CELSR1: variants seen among roughly 807,000 people sequenced by gnomAD.
The protein encoded by CELSR1 is cadherin EGF LAG seven-pass G-type receptor 1.
A neutral mutation model predicts 249.1 loss-of-function variants in CELSR1; 110 were observed. The observed-to-expected ratio is 0.44, with a 90% CI of 0.38 to 0.52. The LOEUF (loss-of-function observed/expected upper bound fraction) is 0.52, where lower values mean the gene tolerates loss of function less well. Ranked by LOEUF, CELSR1 falls within the 20% of genes least tolerant of loss-of-function variation. CELSR1 has a pLI of 0.00. For missense variants in CELSR1, 4,109 were observed against 4,296.4 expected, an observed-to-expected ratio of 0.96 and a Z score of 1.22; for synonymous variants, 2,113 against 1,900.0, an observed-to-expected ratio of 1.11 and a Z score of -2.92.
intron 33 of CELSR1, 63 bp downstream of exon 33, chr22:46,364,449 G>A: frequency 6.4e-7 from 1 of 1,551,772 alleles, no homozygotes; most frequent in South Asian, 1.2e-5. Flanking sequence ...CCCACCTCCA[G>A]ACCAGGGACT....
chr22:46,493,023 C>A (rs967720190), intron 1 of CELSR1, among the ~76,000 whole-genome samples: 2 of 152,094 alleles, frequency 1.3e-5, no homozygotes, highest in Non-Finnish European at 2.9e-5. Context: ...ATGGGAGGAT[C>A]GCTTGAGGCT....
At position 46,535,312 on chromosome 22, in the gene CELSR1, T is replaced by C. The variant is rs757249490; in HGVS notation, c.1859A>G (p.Lys620Arg). ...GAAGTCAGGGGTGGGGGCAGGATTC[T>C]TAGGCCCAGCGCTGCCGCCCCCCAG... Reference protein sequence around the residue: ...TFLGGGSAGPKNPAPTPDFPF... With the variant: ...TFLGGGSAGPRNPAPTPDFPF... Residue 620 changes from lysine (K) to arginine (R), a missense_variant, in exon 1 of 35, where the codon AAG becomes AGG. Coordinates refer to ENST00000674500, the MANE Select transcript of CELSR1 (RefSeq NM_001378328.1). 5 of 1,611,886 alleles carry C rather than the reference T, an allele frequency of 3.1e-6. No homozygotes were observed. Among genetic ancestry groups the C allele is most frequent in the Non-Finnish European group, 4.2e-6 (5 of 1,179,988 alleles).
chr22:46,363,690 C>A lies in CELSR1; in HGVS notation c.9035+306G>T. 2.3e-6 allele frequency: 1 copy of A among 436,402 alleles called. No homozygotes were observed. Among genetic ancestry groups the A allele is most frequent in the Non-Finnish European group, 4.1e-6 (1 of 245,070 alleles). 27.0% of individuals were successfully genotyped at this position (436,402 alleles called of 1,614,324 possible). ...CAAGGTGGGTGGCAGTGGTCCCAGG[C>A]GGAGACAATGCTGATCAAACGCAGA... is the stretch of plus-strand genomic sequence containing the variant. On this transcript the variant is annotated intron_variant, in intron 34 of 34. Transcript: ENST00000674500. This position sits in a 1 kb window ranked among gnomAD's most constrained non-coding sequence, Gnocchi z 4.3.
At chr22:46,451,870 G>A (rs1208766750) in intron 2 of CELSR1, among the ~76,000 whole-genome samples, 3 of 152,214 alleles carry the variant, frequency 2.0e-5, no homozygotes, top group African/African-American at 4.8e-5. Flanking sequence ...ATTAGCAGGT[G>A]GGCTCGATGC....
At position 46,517,928 on chromosome 22, in the gene CELSR1, G is replaced by C. The variant is rs1383838869; in HGVS notation, c.3544+15699C>G. 2.1e-5 allele frequency among the ~76,000 whole-genome samples: 3 copies of C among 145,510 alleles called. No individual in the cohort carries two copies. Among genetic ancestry groups the C allele is most frequent in the African/African-American group, 5.1e-5 (2 of 39,194 alleles). On this transcript the variant is annotated intron_variant, in intron 1 of 34. Coordinates refer to ENST00000674500, the MANE Select transcript of CELSR1 (RefSeq NM_001378328.1). The surrounding 1 kb of genome is among the most constrained non-coding windows in gnomAD (Gnocchi z 5.4). ...CCTTTTTTTTTTTTTTTGAGACAGA[G>C]TTTCACTTTTGTTGCCCAGGCCAGA...
intron 1 of CELSR1, among the ~76,000 whole-genome samples, chr22:46,491,127 C>T (rs1176195613): frequency 6.6e-6 from 1 of 152,124 alleles, no homozygotes; most frequent in Non-Finnish European, 1.5e-5. Context: ...CCCCCACCTC[C>T]ACCTACCAGA....
chr22:46,536,819 C>T lies in CELSR1; in HGVS notation c.352G>A (p.Ala118Thr), dbSNP rs1217655153. ...CGGGCACCGGTTCCGCAGAGCCGGGCACGGGCTCCGCAGCCGGGAAGGTGC... is the reference window on the plus strand; with the variant it reads ...CGGGCACCGGTTCCGCAGAGCCGGGTACGGGCTCCGCAGCCGGGAAGGTGC... ...RTHLPGCGAR[A>T]RLCGTGARLC... Residue 118 changes from alanine to threonine, a missense_variant, in exon 1 of 35, where the codon GCC becomes ACC. By Grantham distance (58) the Ala-to-Thr change is moderately conservative. Around this residue, in one of 7 missense-constraint regions of CELSR1, gnomAD observed 673 missense variants for 636.8 expected, o/e 1.06. Transcript: ENST00000674500. 1 of 1,207,154 alleles carries T rather than the reference C, an allele frequency of 8.3e-7. No individual in the cohort carries two copies. The highest frequency in any genetic ancestry group is 1.0e-6 in the Non-Finnish European group (1 of 973,130). The allele number at this position is 1,207,154 out of a possible 1,614,324, so 74.8% of individuals were successfully genotyped here.
chr22:46,397,776 T>C lies in CELSR1; in HGVS notation c.5599A>G (p.Lys1867Glu). The C allele has an allele frequency of 6.2e-7, 1 of 1,603,914 alleles. No homozygotes were observed. The highest frequency in any genetic ancestry group is 8.5e-7 in the Non-Finnish European group (1 of 1,174,530). Residue 1867 changes from lysine to glutamate, a missense_variant, in exon 12 of 35, where the codon AAG (lysine) becomes GAG (glutamate). Transcript: ENST00000674500. ...GGGTCGTCCACATCACAGCCGTCCT[T>C]CACCCTGACCTTGAGTGCGTTGTTC... ...NMNNALKVRVKDGCDVDDPCT... is the reference protein window; with the variant it reads ...NMNNALKVRVEDGCDVDDPCT...
chr22:46,402,690 C>T lies in CELSR1; in HGVS notation c.5227-2788G>A, dbSNP rs76469305. ...ACAGACTCAAAAATAACACTGGGAA[C>T]CACAAAACTTTCAAGGAAACAGACT... On this transcript the variant is annotated intron_variant, in intron 9 of 34. Transcript: ENST00000674500. This position sits in a 1 kb window ranked among gnomAD's most constrained non-coding sequence, Gnocchi z 5.0. Among the ~76,000 whole-genome samples, 1,489 of 152,232 alleles carry T rather than the reference C, an allele frequency of 9.8e-3. 27 individuals carry two copies. Among genetic ancestry groups the T allele is most frequent in the African/African-American group, 0.033 (1,390 of 41,512 alleles).
rs538308659 is a variant in CELSR1 at position 46,429,256 on chromosome 22, T to G, written c.4611+4137A>C. On this transcript the variant is annotated intron_variant, in intron 5 of 34. Transcript: ENST00000674500. This position sits in a 1 kb window ranked among gnomAD's most constrained non-coding sequence, Gnocchi z 4.1. ...TTAAGCATAATGAGGGCAAAACCGA[T>G]TCTCAAGTGGGGAGAACGTTTTCCG... 6.6e-6 allele frequency among the ~76,000 whole-genome samples: 1 copy of G among 152,282 alleles called. No homozygotes were observed. The highest frequency in any genetic ancestry group is 1.9e-4 in the East Asian group (1 of 5,180).
rs554737569 is a variant in CELSR1, at chr22:46,381,216, G to A, written c.7089-261C>T. Among the ~76,000 whole-genome samples, 1 of 152,170 alleles carries A rather than the reference G, an allele frequency of 6.6e-6. No individual in the cohort carries two copies. Among genetic ancestry groups the A allele is most frequent in the Non-Finnish European group, 1.5e-5 (1 of 68,040 alleles). ...TTAAAAAGAAAGAGAAGGCACAGGT[G>A]CAAAGATGTCACAGCCCATAATAGC... On this transcript the variant is annotated intron_variant, in intron 21 of 34. Transcript: ENST00000674500. The surrounding 1 kb of genome is among the most constrained non-coding windows in gnomAD (Gnocchi z 6.0).
intron 1 of CELSR1, among the ~76,000 whole-genome samples, chr22:46,482,447 A>G (rs1030072212): frequency 1.3e-5 from 2 of 152,204 alleles, no homozygotes; most frequent in African/African-American, 4.8e-5. Context: ...AGACCTGTGT[A>G]GCTCTTGCAA....
rs935774391 is a variant in CELSR1, at chr22:46,382,097, TCCC to T, written c.6884-50_6884-48del. 4.1e-6 allele frequency: 6 copies of T among 1,448,410 alleles called. No individual in the cohort carries two copies. The Admixed American group carries it at 1.2e-4, about 30-fold the overall frequency. The allele number at this position is 1,448,410 out of a possible 1,614,324, so 89.7% of individuals were successfully genotyped here. The stretch of plus-strand genomic sequence containing the variant: ...AGGACTCTGGCAGGAGCACCTGTGT[TCCC>T]CAAGACTGCCGTCAGTGCCAGCAGG... On this transcript the variant is annotated intron_variant, in intron 20 of 34. Transcript: ENST00000674500.
rs374669510 is a variant in CELSR1, at chr22:46,513,361, G to A, written c.3544+20266C>T. ...ATACAAGTTCAAAAGCATTCCCCAC[G>A]TGGGGTCCTGAGTTTTACAGGACAC... On this transcript the variant is annotated intron_variant, in intron 1 of 34. Transcript: ENST00000674500. Among the ~76,000 whole-genome samples the A allele has an allele frequency of 7.2e-5, 11 of 152,206 alleles. No homozygotes were observed. In the East Asian group the frequency reaches 1.5e-3, roughly 21 times the overall value.
chr22:46,418,632 C>G (rs1019853009), intron 5 of CELSR1, among the ~76,000 whole-genome samples: 5 of 152,238 alleles, frequency 3.3e-5, no homozygotes, highest in African/African-American at 1.2e-4. Context: ...GGAGCTAAGA[C>G]GCAAAGCCAC....
chr22:46,491,637 CTTT>C (rs72436813), intron 1 of CELSR1, among the ~76,000 whole-genome samples: 2 of 136,246 alleles, frequency 1.5e-5, no homozygotes, highest in Non-Finnish European at 1.6e-5. Flanking sequence ...CTCTCTCTCT[CTTT>C]TTTTTTTTTT....
In CELSR1 at chr22:46,536,261, C is replaced by A. The variant is rs748748206; in HGVS notation, c.910G>T (p.Ala304Ser). The change falls in exon 1 of 35, where the codon GCC becomes TCC. Residue 304 changes from alanine (A) to serine (S), a missense_variant. Physicochemically the swap from Ala to Ser is moderately conservative, Grantham distance 99. This residue lies in a region of CELSR1 where 673 missense variants were observed against 636.8 expected (regional missense o/e 1.06). Coordinates refer to ENST00000674500, the MANE Select transcript of CELSR1 (RefSeq NM_001378328.1). ...GYFRIDSATG[A>S]VSTDSVLDRE... is the part of the protein sequence containing the mutation. ...TCCAGTACGCTGTCCGTGCTCACGG[C>A]GCCCGTGGCAGAGTCGATTCGGAAG... 1 of 1,612,046 alleles carries A rather than the reference C, an allele frequency of 6.2e-7. No individual in the cohort carries two copies. The highest frequency in any genetic ancestry group is 1.7e-5 in the Admixed American group (1 of 60,006).
At position 46,395,455 on chromosome 22, in the gene CELSR1, T is replaced by A. The variant is rs1418864959; in HGVS notation, c.5843+1150A>T. Among the ~76,000 whole-genome samples, 1 of 152,082 alleles carries A rather than the reference T, an allele frequency of 6.6e-6. No homozygotes were observed. The highest frequency in any genetic ancestry group is 1.9e-4 in the East Asian group (1 of 5,178). On this transcript the variant is annotated intron_variant, in intron 13 of 34. Transcript: ENST00000674500. The surrounding 1 kb of genome is among the most constrained non-coding windows in gnomAD (Gnocchi z 5.5). ...TTACTCCTCTCCAGCTTGGCTCTGT[T>A]GCTTTCGCTCCCAGAATGCCCTCCC...
intron 2 of CELSR1, among the ~76,000 whole-genome samples, chr22:46,450,383 G>A (rs576292894): frequency 3.9e-5 from 6 of 152,254 alleles, no homozygotes; most frequent in Non-Finnish European, 7.3e-5. Flanking sequence ...CTCAGGTGAC[G>A]CTCCCTGACC....
Sources: allele counts gnomAD v4.1 joint callset (sites outside exome capture counted in the v4.1 genomes callset), GRCh38; gene constraint gnomAD v4.1.1; regional missense constraint gnomAD v4.1.1; non-coding constraint Gnocchi (gnomAD v3.1); transcripts MANE v1.5; gene names NCBI Gene and HGNC (gene_info 2026-07-23, HGNC 2026-07-21).